PCSK2: variants seen among roughly 807,000 people sequenced by gnomAD.
PCSK2 encodes proprotein convertase subtilisin/kexin type 2.
PCSK2 carries 14 observed loss-of-function variants against 69.7 expected under a neutral mutation model. That is an observed-to-expected ratio of 0.20 (90% CI 0.13 to 0.31). PCSK2 has a LOEUF of 0.31. Ranked by LOEUF, PCSK2 falls within the 10% of genes least tolerant of loss-of-function variation. The pLI, the probability that PCSK2 is intolerant of heterozygous loss-of-function variation, is 1.00. For synonymous variants in PCSK2, 307 were observed against 320.7 expected (o/e 0.96, Z 0.46); for missense variants, 544 against 842.5 (o/e 0.65, Z 4.39).
intron 5 of PCSK2, among the ~76,000 whole-genome samples, chr20:17,383,669 GA>G (rs1032764350): frequency 8.3e-4 from 121 of 145,620 alleles, no homozygotes; most frequent in African/African-American, 2.7e-3. Flanking sequence ...AAAGAAAGAG[GA>G]AAAAAACCAA....
chr20:17,288,583 T>C (rs1988596991), intron 2 of PCSK2, among the ~76,000 whole-genome samples: 1 of 152,188 alleles, frequency 6.6e-6, no homozygotes, highest in Non-Finnish European at 1.5e-5. Context: ...TAATTGGAGA[T>C]TGGGCCTTTA....
intron 1 of PCSK2, among the ~76,000 whole-genome samples, chr20:17,236,700 G>C (rs6111466): frequency 0.44 from 66,445 of 151,940 alleles, 15,271 homozygotes; most frequent in African/African-American, 0.58. Flanking sequence ...TTCATCTTTT[G>C]AGTAGCTAGG....
intron 2 of PCSK2, among the ~76,000 whole-genome samples, chr20:17,268,848 G>A (rs1987744545): frequency 6.6e-6 from 1 of 152,230 alleles, no homozygotes; most frequent in Non-Finnish European, 1.5e-5. Context: ...GCATAGGCCA[G>A]GATAGAAGTG....
intron 2 of PCSK2, among the ~76,000 whole-genome samples, chr20:17,350,769 G>A (rs779239183): frequency 5.9e-5 from 9 of 152,220 alleles, no homozygotes; most frequent in South Asian, 2.1e-4. Flanking sequence ...AAGGCCAGGC[G>A]TGGTGGCTTA....
intron 2 of PCSK2, among the ~76,000 whole-genome samples, chr20:17,282,357 G>A (rs1414152416): frequency 6.6e-6 from 1 of 152,108 alleles, no homozygotes; most frequent in Non-Finnish European, 1.5e-5. Context: ...AGAAGACATG[G>A]GAAGTGGCTC....
chr20:17,376,323 T>C (rs1342531101), intron 5 of PCSK2, among the ~76,000 whole-genome samples: 1 of 152,224 alleles, frequency 6.6e-6, no homozygotes, highest in Non-Finnish European at 1.5e-5. Context: ...CCAGCTGAAC[T>C]GTGGACTCGT....
At chr20:17,239,158 T>TA (rs1986457798) in intron 1 of PCSK2, among the ~76,000 whole-genome samples, 1 of 152,172 alleles carries the variant, frequency 6.6e-6, no homozygotes, top group African/African-American at 2.4e-5. Flanking sequence ...GAGAATAAGG[T>TA]GACCCACAAA....
At chr20:17,358,506 G>A in intron 3 of PCSK2, 66 bp downstream of exon 3, 2 of 885,192 alleles carry the variant, frequency 2.3e-6, no homozygotes, top group Admixed American at 1.8e-5. Flanking sequence ...ATGAATTCCT[G>A]TATCCTCATT....
In PCSK2 at chr20:17,484,123, T is replaced by C. The variant is rs1285239679; in HGVS notation, c.*2053T>C. On this transcript the variant is annotated 3_prime_UTR_variant, in exon 12 of 12. Coordinates refer to ENST00000262545, the MANE Select transcript of PCSK2 (RefSeq NM_002594.5). ...AGGTGAAAATGTTCATCAATTCCCA[T>C]TGCATCACCTCTGTAATTTTTCAGC... 6.6e-6 allele frequency: 1 copy of C among 152,308 alleles called. No individual in the cohort carries two copies. Among genetic ancestry groups the C allele is most frequent in the Non-Finnish European group, 1.5e-5 (1 of 67,990 alleles). The allele number at this position is 152,308 out of a possible 1,614,324, so 9.4% of individuals were successfully genotyped here.
chr20:17,428,648 C>T (rs1333128111), intron 6 of PCSK2, among the ~76,000 whole-genome samples: 1 of 152,022 alleles, frequency 6.6e-6, no homozygotes, highest in East Asian at 1.9e-4. Flanking sequence ...TCGCACTGTC[C>T]CAGCAGACCT....
chr20:17,230,015 C>T (rs1003421859), intron 1 of PCSK2, among the ~76,000 whole-genome samples: 10 of 152,202 alleles, frequency 6.6e-5, no homozygotes, highest in African/African-American at 2.2e-4. Flanking sequence ...CTCATTTCCT[C>T]CCTGTAACCA....
At chr20:17,434,779 T>C (rs1429834156) in intron 7 of PCSK2, among the ~76,000 whole-genome samples, 2 of 152,196 alleles carry the variant, frequency 1.3e-5, no homozygotes, top group Admixed American at 1.3e-4. Flanking sequence ...ATCTTGGCAC[T>C]AGGCAAGTTC....
At chr20:17,302,615 C>G (rs529323160) in intron 2 of PCSK2, among the ~76,000 whole-genome samples, 1 of 152,242 alleles carries the variant, frequency 6.6e-6, no homozygotes, top group East Asian at 1.9e-4. Flanking sequence ...CTTCCTTTAC[C>G]TCAAGAAACA....
chr20:17,438,980 G>C (rs1002896544), intron 8 of PCSK2, among the ~76,000 whole-genome samples: 1 of 152,158 alleles, frequency 6.6e-6, no homozygotes, highest in South Asian at 2.1e-4. Context: ...TGGGGCAGCC[G>C]AATCTCTGCC....
intron 4 of PCSK2, among the ~76,000 whole-genome samples, chr20:17,362,402 G>C (rs73098548): frequency 0.17 from 26,476 of 152,178 alleles, 2,913 homozygotes; most frequent in Non-Finnish European, 0.25. Context: ...TATCTCTCAC[G>C]GTTCTGTGGG....
rs6044778 is a variant in PCSK2, at chr20:17,388,611, G to A, written c.543+19334G>A. On this transcript the variant is annotated intron_variant, in intron 5 of 11. Coordinates refer to ENST00000262545, the MANE Select transcript of PCSK2 (RefSeq NM_002594.5). ...AATCACTTAGCGCGGGCCTCATTAGGCACCTCATAAGTTCAGGCACTAGGG... is the reference window on the plus strand; with the variant it reads ...AATCACTTAGCGCGGGCCTCATTAGACACCTCATAAGTTCAGGCACTAGGG... Among the ~76,000 whole-genome samples, 1,424 of 152,098 alleles carry A rather than the reference G, an allele frequency of 9.4e-3. 9 individuals carry two copies. Among genetic ancestry groups the A allele is most frequent in the South Asian group, 0.015 (74 of 4,796 alleles).
At chr20:17,480,252 C>T (rs906560796) in intron 11 of PCSK2, among the ~76,000 whole-genome samples, 1 of 139,798 alleles carries the variant, frequency 7.2e-6, no homozygotes, top group Admixed American at 7.7e-5. Flanking sequence ...TGCAGTGGCG[C>T]GATCTCGGCT....
intron 11 of PCSK2, chr20:17,479,205 T>C (rs2033345570): frequency 4.4e-6 from 6 of 1,371,448 alleles, no homozygotes; most frequent in Non-Finnish European, 4.2e-6. Context: ...GCGAAAGCCA[T>C]ATGCGCTCTT....
intron 1 of PCSK2, among the ~76,000 whole-genome samples, 158 bp from the exon 2 acceptor site, chr20:17,260,082 G>A (rs1987319494): frequency 6.6e-6 from 1 of 152,082 alleles, no homozygotes; most frequent in Admixed American, 6.5e-5. Context: ...ACATTGATAG[G>A]GAAATAGAGG....
Sources: allele counts gnomAD v4.1 joint callset (sites outside exome capture counted in the v4.1 genomes callset), GRCh38; gene constraint gnomAD v4.1.1; transcripts MANE v1.5; gene names NCBI Gene and HGNC (gene_info 2026-07-23, HGNC 2026-07-21).